Variants in ADCY2 observed in about 807,000 individuals in gnomAD.
ADCY2 encodes adenylate cyclase 2.
In ADCY2, 31 loss-of-function variants were observed where a neutral mutation model predicts 125.2. The observed-to-expected ratio is 0.25, with a 90% CI of 0.19 to 0.33. The LOEUF (loss-of-function observed/expected upper bound fraction) is 0.33, where lower values mean the gene tolerates loss of function less well. ADCY2 is among the 10% of genes least tolerant of loss of function. The probability of loss-of-function intolerance (pLI) is 1.00; values close to 1 mark genes in which losing one functional copy is unlikely to be tolerated. For missense variants in ADCY2, 904 were observed against 1,418.2 expected, an observed-to-expected ratio of 0.64 and a Z score of 5.82; for synonymous variants, 512 against 548.4, an observed-to-expected ratio of 0.93 and a Z score of 0.93.
chr5:7,536,286 C>A (rs1385221029), intron 3 of ADCY2, among the ~76,000 whole-genome samples: 1 of 152,222 alleles, frequency 6.6e-6, no homozygotes, highest in Non-Finnish European at 1.5e-5. Flanking sequence ...CAGTGGAACA[C>A]ATTTCCACCC....
intron 2 of ADCY2, among the ~76,000 whole-genome samples, chr5:7,424,162 C>T (rs189000624): frequency 9.7e-4 from 147 of 152,328 alleles, no homozygotes; most frequent in African/African-American, 3.2e-3. Context: ...GTGATCACAT[C>T]GCAAAAATTG....
At chr5:7,555,746 T>A (rs112901329) in intron 3 of ADCY2, among the ~76,000 whole-genome samples, 41 of 152,238 alleles carry the variant, frequency 2.7e-4, no homozygotes, top group African/African-American at 9.4e-4. Context: ...TATCTTTTCA[T>A]GTATCTTTTT....
chr5:7,774,547 A>G (rs1743656449), intron 18 of ADCY2, among the ~76,000 whole-genome samples: 1 of 152,256 alleles, frequency 6.6e-6, no homozygotes, highest in Admixed American at 6.5e-5. Flanking sequence ...AAATCAGATT[A>G]GCAAGTTTCT....
At position 7,772,742 on chromosome 5, in the gene ADCY2, A is replaced by ATTT. The variant is rs11390037; in HGVS notation, c.2215-181_2215-179dup. On this transcript the variant is annotated intron_variant, in intron 17 of 24. Coordinates refer to ENST00000338316, the MANE Select transcript of ADCY2 (RefSeq NM_020546.3). ...AGGTTGAGTCGGAAAGCTTTGGATG[A>ATTT]TTTTTTTTTTTCTGAATTTAACATA... 1.7e-4 allele frequency among the ~76,000 whole-genome samples: 26 copies of ATTT among 149,724 alleles called. 1 individual carries two copies. The highest frequency in any genetic ancestry group is 6.9e-3 in the Middle Eastern group (2 of 288).
At chr5:7,567,290 A>T (rs1262058041) in intron 3 of ADCY2, among the ~76,000 whole-genome samples, 1 of 152,218 alleles carries the variant, frequency 6.6e-6, no homozygotes, top group African/African-American at 2.4e-5. Flanking sequence ...AAGTAGAATT[A>T]GTTTAAAAGA....
chr5:7,586,455 A>C (rs1360415144), intron 3 of ADCY2, among the ~76,000 whole-genome samples: 1 of 152,126 alleles, frequency 6.6e-6, no homozygotes, highest in Non-Finnish European at 1.5e-5. Context: ...TCCAGATCTC[A>C]GTGCAGGCCT....
chr5:7,488,175 G>A (rs545041004), intron 2 of ADCY2, among the ~76,000 whole-genome samples: 2 of 152,222 alleles, frequency 1.3e-5, no homozygotes, highest in African/African-American at 4.8e-5. Context: ...CCCTCATACT[G>A]TAATATGGGA....
intron 3 of ADCY2, among the ~76,000 whole-genome samples, chr5:7,611,526 A>G (rs911970225): frequency 6.6e-6 from 1 of 152,132 alleles, no homozygotes; most frequent in African/African-American, 2.4e-5. Flanking sequence ...GGAAATGAAT[A>G]TTTTTAACAT....
At chr5:7,809,850 G>T (rs1744878333) in intron 22 of ADCY2, among the ~76,000 whole-genome samples, 1 of 152,246 alleles carries the variant, frequency 6.6e-6, no homozygotes, top group Non-Finnish European at 1.5e-5. Flanking sequence ...TGGCTAAATG[G>T]TTGCATTACA....
At chr5:7,617,939 A>G (rs1388289486) in intron 3 of ADCY2, among the ~76,000 whole-genome samples, 1 of 152,152 alleles carries the variant, frequency 6.6e-6, no homozygotes, top group Non-Finnish European at 1.5e-5. Context: ...CCCTTCCCAA[A>G]TGGTTTCAGT....
At chr5:7,784,953 G>C (rs974783075) in intron 19 of ADCY2, among the ~76,000 whole-genome samples, 1 of 152,034 alleles carries the variant, frequency 6.6e-6, no homozygotes, top group African/African-American at 2.4e-5. Flanking sequence ...TCCTTCTTTG[G>C]TCCCTCCAAC....
At chr5:7,580,845 G>A (rs1417381577) in intron 3 of ADCY2, among the ~76,000 whole-genome samples, 6 of 152,190 alleles carry the variant, frequency 3.9e-5, no homozygotes, top group East Asian at 3.8e-4. Context: ...CTGACAGATC[G>A]AAGGGAAACA....
chr5:7,499,814 A>G (rs1743499201), intron 2 of ADCY2, among the ~76,000 whole-genome samples: 1 of 151,242 alleles, frequency 6.6e-6, no homozygotes, highest in African/African-American at 2.4e-5. Context: ...TATAGAGAAA[A>G]AACACAGTAA....
chr5:7,788,674 A>G (rs1474564926), intron 19 of ADCY2, among the ~76,000 whole-genome samples: 2 of 152,108 alleles, frequency 1.3e-5, no homozygotes, highest in African/African-American at 4.8e-5. Flanking sequence ...TTTAATTCCC[A>G]TTTGTGCATG....
chr5:7,718,062 T>G (rs899599041), intron 12 of ADCY2, among the ~76,000 whole-genome samples: 4 of 152,162 alleles, frequency 2.6e-5, no homozygotes, highest in Admixed American at 2.6e-4. Context: ...GTAAATGATT[T>G]TCACCTAGAG....
At chr5:7,727,285 G>T (rs762597155) in intron 14 of ADCY2, 24 bp downstream of exon 14, 3 of 1,599,126 alleles carry the variant, frequency 1.9e-6, no homozygotes, top group Middle Eastern at 1.7e-4. Flanking sequence ...GTTTCCACTG[G>T]GATTCTCACC....
intron 7 of ADCY2, among the ~76,000 whole-genome samples, chr5:7,706,331 G>A (rs919925607): frequency 1.3e-5 from 2 of 152,190 alleles, no homozygotes; most frequent in African/African-American, 4.8e-5. Context: ...GAAGATATTC[G>A]TTGGAGAGGT....
chr5:7,692,845 C>A (rs1277757853), intron 5 of ADCY2, among the ~76,000 whole-genome samples: 1 of 152,116 alleles, frequency 6.6e-6, no homozygotes, highest in East Asian at 1.9e-4. Context: ...TCTCTCTTAC[C>A]TCCTCTCGGT....
intron 2 of ADCY2, among the ~76,000 whole-genome samples, chr5:7,484,242 T>A (rs1742842860): frequency 6.6e-6 from 1 of 152,162 alleles, no homozygotes; most frequent in African/African-American, 2.4e-5. Context: ...ACCAGCTAAA[T>A]AAACAACAAA....
Sources: allele counts gnomAD v4.1 joint callset (sites outside exome capture counted in the v4.1 genomes callset), GRCh38; gene constraint gnomAD v4.1.1; transcripts MANE v1.5; gene names NCBI Gene and HGNC (gene_info 2026-07-23, HGNC 2026-07-21).